Variants in MGAT4C observed in about 807,000 individuals in gnomAD.
The protein encoded by MGAT4C is MGAT4 family member C.
Under a neutral mutation model 40.1 loss-of-function variants are expected in MGAT4C, and 19 were observed. The observed-to-expected ratio is 0.47, with a 90% CI of 0.33 to 0.70. The LOEUF is 0.70. Among genes scored for constraint, MGAT4C ranks in the 30% least tolerant of loss-of-function variants. The probability of loss-of-function intolerance (pLI) is 0.02; values close to 1 mark genes in which losing one functional copy is unlikely to be tolerated. For missense variants in MGAT4C, 491 were observed against 563.2 expected, an observed-to-expected ratio of 0.87 and a Z score of 1.30; for synonymous variants, 181 against 187.1, an observed-to-expected ratio of 0.97 and a Z score of 0.27.
intron 1 of MGAT4C, among the ~76,000 whole-genome samples, chr12:86,076,785 A>G (rs184818068): frequency 4.6e-5 from 7 of 152,262 alleles, no homozygotes; most frequent in Non-Finnish European, 1.0e-4. Flanking sequence ...CAACCACAAC[A>G]CGTGGGAATT....
chr12:86,483,744 C>T (rs1957972379), intron 2 of MGAT4C, among the ~76,000 whole-genome samples: 1 of 149,198 alleles, frequency 6.7e-6, no homozygotes, highest in Admixed American at 6.8e-5. Flanking sequence ...TGTAAGTCTC[C>T]TACTTGGCTT....
At chr12:86,659,136 C>G (rs189979734) in intron 2 of MGAT4C, among the ~76,000 whole-genome samples, 1 of 151,998 alleles carries the variant, frequency 6.6e-6, no homozygotes, top group African/African-American at 2.4e-5. Flanking sequence ...ACAGCAGATA[C>G]GCTTCCTCTA....
chr12:86,766,531 A>G (rs1322716293), intron 1 of MGAT4C, among the ~76,000 whole-genome samples: 1 of 152,054 alleles, frequency 6.6e-6, no homozygotes, highest in East Asian at 1.9e-4. Context: ...ATAGACATCT[A>G]CAGAACTCTC....
Position 85,966,224 on chromosome 12 carries a change from T to C in MGAT4C, c.*13065A>G, listed in dbSNP as rs1883357311. On this transcript the variant is annotated 3_prime_UTR_variant, in exon 5 of 5. Coordinates refer to ENST00000611864, the MANE Select transcript of MGAT4C (RefSeq NM_001351288.2). ...AGTTTCTACAACTTATTCTCATTTA[T>C]GTTTATCTGATTTGGCCACAGTTTC... 6.6e-6 allele frequency: 1 copy of C among 152,186 alleles called. No homozygotes were observed. Among genetic ancestry groups the C allele is most frequent in the Admixed American group, 6.5e-5 (1 of 15,282 alleles). 9.4% of individuals were successfully genotyped at this position (152,186 alleles called of 1,614,324 possible). A position where few individuals can be genotyped will look rare whatever the true frequency, so the allele number is the denominator to read the frequency against.
chr12:86,560,402 A>C (rs889363383), intron 2 of MGAT4C, among the ~76,000 whole-genome samples: 1 of 152,076 alleles, frequency 6.6e-6, no homozygotes, highest in Non-Finnish European at 1.5e-5. Flanking sequence ...AATACTAGCA[A>C]GTTTAGTCCA....
chr12:86,008,639 CAT>C (rs1888141816), intron 2 of MGAT4C, among the ~76,000 whole-genome samples: 1 of 152,028 alleles, frequency 6.6e-6, no homozygotes, highest in South Asian at 2.1e-4. Context: ...CTTCCAGTAA[CAT>C]GTTAAATAGA....
chr12:86,490,366 C>T (rs1189466915), intron 2 of MGAT4C, among the ~76,000 whole-genome samples: 2 of 151,874 alleles, frequency 1.3e-5, no homozygotes, highest in Non-Finnish European at 2.9e-5. Context: ...TATAGACAAG[C>T]AAATGCTGAG....
intron 2 of MGAT4C, among the ~76,000 whole-genome samples, chr12:86,482,042 T>A (rs1476065253): frequency 6.7e-6 from 1 of 149,482 alleles, no homozygotes. Flanking sequence ...TCTTTTTTCT[T>A]ATTTGTATTT....
intron 3 of MGAT4C, among the ~76,000 whole-genome samples, chr12:86,359,116 C>A (rs1313908357): frequency 6.6e-6 from 1 of 152,040 alleles, no homozygotes; most frequent in Non-Finnish European, 1.5e-5. Flanking sequence ...ACAGAAATCA[C>A]AACAAACTGT....
chr12:86,457,414 T>C (rs1957527709), intron 2 of MGAT4C, among the ~76,000 whole-genome samples: 1 of 152,098 alleles, frequency 6.6e-6, no homozygotes, highest in Non-Finnish European at 1.5e-5. Flanking sequence ...ATTTTAAAAA[T>C]AATAGACTTT....
At chr12:86,604,085 T>C (rs1016510904) in intron 2 of MGAT4C, among the ~76,000 whole-genome samples, 1 of 151,942 alleles carries the variant, frequency 6.6e-6, no homozygotes, top group Non-Finnish European at 1.5e-5. Flanking sequence ...CAGAAGGGGA[T>C]TCTGCCTAAC....
In MGAT4C at chr12:86,300,058, T is replaced by G. The variant is rs544115124; in HGVS notation, c.-57+34007A>C. 2.6e-5 allele frequency among the ~76,000 whole-genome samples: 4 copies of G among 152,334 alleles called. No homozygotes were observed. In the South Asian group the frequency reaches 8.3e-4, roughly 32 times the overall value. Reference sequence around the variant, plus strand: ...AATTTGCTGAGCAAACTTTCTCTATTTGGACATGTTTTCTTCTTTTCTGGC... The same window carrying G: ...AATTTGCTGAGCAAACTTTCTCTATGTGGACATGTTTTCTTCTTTTCTGGC... On this transcript the variant is annotated intron_variant, in intron 4 of 7. Coordinates refer to the MGAT4C transcript ENST00000548651.
At chr12:86,306,557 A>G (rs1016680447) in intron 4 of MGAT4C, among the ~76,000 whole-genome samples, 6 of 150,442 alleles carry the variant, frequency 4.0e-5, no homozygotes, top group Admixed American at 3.9e-4. Flanking sequence ...CAGTAAAAAA[A>G]GTATGAAGGT....
intron 2 of MGAT4C, among the ~76,000 whole-genome samples, chr12:86,635,017 C>T (rs1329338490): frequency 6.6e-6 from 1 of 152,142 alleles, no homozygotes; most frequent in African/African-American, 2.4e-5. Context: ...AATTGTAGCT[C>T]TTACGTCTTA....
At chr12:86,262,156 C>T (rs191602496) in intron 4 of MGAT4C, among the ~76,000 whole-genome samples, 2 of 152,194 alleles carry the variant, frequency 1.3e-5, no homozygotes, top group Non-Finnish European at 2.9e-5. Flanking sequence ...TCTTCTCCAT[C>T]GCAAATGACA....
chr12:86,655,208 C>T lies in MGAT4C; in HGVS notation c.-229+72001G>A, dbSNP rs533987847. Among the ~76,000 whole-genome samples, 33 of 151,924 alleles carry T rather than the reference C, an allele frequency of 2.2e-4. 1 individual carries two copies. The South Asian group carries it at 6.0e-3, about 28-fold the overall frequency. ...CCTGTCCCCCAGCCCCCAATCGGCC[C>T]GGGTGTGTGATGTTCCCTGCCCTGT... is the stretch of plus-strand genomic sequence containing the variant. On this transcript the variant is annotated intron_variant, in intron 2 of 7. Coordinates refer to the MGAT4C transcript ENST00000548651.
intron 2 of MGAT4C, among the ~76,000 whole-genome samples, chr12:86,643,459 C>T (rs906978215): frequency 3.3e-5 from 5 of 151,884 alleles, no homozygotes; most frequent in African/African-American, 1.2e-4. Context: ...TTAATTGATA[C>T]ACAATAAACA....
At chr12:86,467,861 C>A (rs1957703896) in intron 2 of MGAT4C, among the ~76,000 whole-genome samples, 1 of 151,930 alleles carries the variant, frequency 6.6e-6, no homozygotes, top group Non-Finnish European at 1.5e-5. Context: ...GCCTCTCAAG[C>A]CAAAACCAGT....
intron 1 of MGAT4C, among the ~76,000 whole-genome samples, chr12:86,771,253 C>A (rs1227393666): frequency 6.6e-6 from 1 of 152,118 alleles, no homozygotes; most frequent in East Asian, 1.9e-4. Flanking sequence ...GATGTTTAAG[C>A]CACTCATTCT....
Sources: gnomAD v4.1 joint callset for allele counts (sites outside exome capture counted in the v4.1 genomes callset) on GRCh38, gnomAD v4.1.1 for gene constraint, MANE v1.5 for transcripts, NCBI Gene and HGNC (gene_info 2026-07-23, HGNC 2026-07-21) for gene names.